RNF19A: variants seen among roughly 807,000 people sequenced by gnomAD.
The protein encoded by RNF19A is E3 ubiquitin-protein ligase RNF19A.
RNF19A carries 32 observed loss-of-function variants against 75.7 expected under a neutral mutation model. That is an observed-to-expected ratio of 0.42 (90% confidence interval 0.32 to 0.57). The LOEUF is 0.57. RNF19A is among the 20% of genes least tolerant of loss of function. The pLI, the probability that RNF19A is intolerant of heterozygous loss-of-function variation, is 0.10. For missense variants in RNF19A, 782 were observed against 1,036.3 expected (o/e 0.75, Z 3.37); for synonymous variants, 335 against 345.2 (o/e 0.97, Z 0.33).
intron 1 of RNF19A, among the ~76,000 whole-genome samples, chr8:100,320,439 C>G (rs1251822213): frequency 6.6e-6 from 1 of 152,100 alleles, no homozygotes; most frequent in Non-Finnish European, 1.5e-5. Flanking sequence ...GGTTATATGC[C>G]TAGAAGCAGA....
Position 100,321,831 on chromosome 8 carries a change from T to G in RNF19A, c.-242-8459A>C, listed in dbSNP as rs541475571. 3.9e-5 allele frequency among the ~76,000 whole-genome samples: 6 copies of G among 152,340 alleles called. No individual in the cohort carries two copies. In the East Asian group the frequency reaches 1.2e-3, roughly 29 times the overall value. ...AGTTCTTGGGTGACTAGGTGAATTGTCAGTGAGACATAATATTTTGAAAGA... is the reference window on the plus strand; with the variant it reads ...AGTTCTTGGGTGACTAGGTGAATTGGCAGTGAGACATAATATTTTGAAAGA... On this transcript the variant is annotated intron_variant, in intron 1 of 3. Transcript: ENST00000519527.
At chr8:100,267,575 G>T (rs1413532178) in intron 5 of RNF19A, among the ~76,000 whole-genome samples, 1 of 151,906 alleles carries the variant, frequency 6.6e-6, no homozygotes, top group African/African-American at 2.4e-5. Flanking sequence ...TCACTATGTT[G>T]TCCAGGCTGG....
intron 1 of RNF19A, among the ~76,000 whole-genome samples, chr8:100,303,600 A>T (rs1821935935): frequency 6.6e-6 from 1 of 152,054 alleles, no homozygotes; most frequent in South Asian, 2.1e-4. Flanking sequence ...ATTATGCAAA[A>T]ATCTAAAGGA....
At chr8:100,316,078 G>A (rs778296924) in intron 1 of RNF19A, among the ~76,000 whole-genome samples, 2 of 151,990 alleles carry the variant, frequency 1.3e-5, no homozygotes, top group African/African-American at 2.4e-5. Flanking sequence ...AGATGTGTTC[G>A]GAGTTTCTTC....
At chr8:100,300,823 AC>A in intron 1 of RNF19A, among the ~76,000 whole-genome samples, 1 of 152,326 alleles carries the variant, frequency 6.6e-6, no homozygotes, top group South Asian at 2.1e-4. Flanking sequence ...CCATCAAAAA[AC>A]AGAGTGAGTC....
rs1199219474 is a variant in RNF19A, at chr8:100,284,564, G to A, written c.674+2937C>T. Among the ~76,000 whole-genome samples, 6 of 151,926 alleles carry A rather than the reference G, an allele frequency of 3.9e-5. No individual in the cohort carries two copies. The East Asian group carries it at 5.8e-4, about 15-fold the overall frequency. ...TTTGTTAAATTTATATAATAATCAC[G>A]TGGTTGTTTTCATAGTAACAGAGTC... On this transcript the variant is annotated intron_variant, in intron 2 of 9. Transcript: ENST00000341084. This position sits in a 1 kb window ranked among gnomAD's most constrained non-coding sequence, Gnocchi z 4.3.
chr8:100,296,555 C>A (rs1368077963), intron 1 of RNF19A, among the ~76,000 whole-genome samples: 1 of 151,888 alleles, frequency 6.6e-6, no homozygotes, highest in Non-Finnish European at 1.5e-5. Flanking sequence ...TCAGAGAAAT[C>A]CATGAAATCT....
In RNF19A at chr8:100,279,836, TGTGTTTTTA is replaced by T. The variant is rs150620903; in HGVS notation, c.675-4684_675-4676del. Among the ~76,000 whole-genome samples the T allele has an allele frequency of 4.6e-3, 699 of 152,216 alleles. 3 individuals are homozygous for T. Among genetic ancestry groups the T allele is most frequent in the Admixed American group, 8.1e-3 (124 of 15,296 alleles). On this transcript the variant is annotated intron_variant, in intron 2 of 9. Transcript: ENST00000341084. ...GCCACCACACCCAGCCTCAATTTTT[TGTGTTTTTA>T]GTAGGGATGGGGTTTTGCCATGTTA...
chr8:100,258,252 AAATT>A lies in RNF19A; in HGVS notation c.*300_*303del. 2.4e-6 allele frequency: 1 copy of A among 424,286 alleles called. No individual in the cohort carries two copies. Among genetic ancestry groups the A allele is most frequent in the African/African-American group, 2.0e-5 (1 of 48,854 alleles). The allele number at this position is 424,286 out of a possible 1,614,324, so 26.3% of individuals were successfully genotyped here. On this transcript the variant is annotated 3_prime_UTR_variant, in exon 10 of 10. Transcript: ENST00000341084. This position sits in a 1 kb window ranked among gnomAD's most constrained non-coding sequence, Gnocchi z 4.3. ...CATTAGTATTTTATATTGATTATAT[AAATT>A]AAGACCAATTTCTATCTAAGTATGT...
rs990261793 is a variant in RNF19A, at chr8:100,324,577, A to G, written c.-242-11205T>C. On this transcript the variant is annotated intron_variant, in intron 1 of 3. Transcript: ENST00000519527. This position sits in a 1 kb window ranked among gnomAD's most constrained non-coding sequence, Gnocchi z 4.2. ...CAAACCCTACTCCCACTTTACCCCC[A>G]TCTAGTAATGAATCACTGTTTTCTT... Among the ~76,000 whole-genome samples, 2 of 152,068 alleles carry G rather than the reference A, an allele frequency of 1.3e-5. No individual in the cohort carries two copies. Among genetic ancestry groups the G allele is most frequent in the South Asian group, 2.1e-4 (1 of 4,822 alleles).
chr8:100,326,539 A>G (rs1548046), intron 1 of RNF19A, among the ~76,000 whole-genome samples: 5,012 of 152,206 alleles, frequency 0.033, 275 homozygotes, highest in African/African-American at 0.11. Context: ...CTAGTGAGGG[A>G]AACTGAGGTA....
intron 2 of RNF19A, among the ~76,000 whole-genome samples, chr8:100,286,088 G>A (rs897903492): frequency 6.6e-5 from 10 of 152,134 alleles, no homozygotes; most frequent in East Asian, 5.8e-4. Flanking sequence ...CTGTGAAAAC[G>A]TTATGCAGGG....
rs1164973732 is a variant in RNF19A at position 100,258,766 on chromosome 8, T to C, written c.2307A>G (p.Glu769=). ...ILPEVENDRL[E]NSPHQCSISV... The stretch of plus-strand genomic sequence containing the variant: ...AAATGCTACACTGATGTGGGGAATT[T>C]TCCAGACGGTCATTTTCTACCTCAG... The change falls in exon 10 of 10, where the codon GAA becomes GAG. Residue 769 remains glutamate, a synonymous_variant. Coordinates refer to ENST00000341084, the MANE Select transcript of RNF19A (RefSeq NM_183419.4). The surrounding 1 kb of genome is among the most constrained non-coding windows in gnomAD (Gnocchi z 4.3). The C allele has an allele frequency of 6.8e-6, 11 of 1,614,130 alleles. No homozygotes were observed. Among genetic ancestry groups the C allele is most frequent in the Non-Finnish European group, 9.3e-6 (11 of 1,180,058 alleles).
chr8:100,282,741 G>A (rs1382364373), intron 2 of RNF19A, among the ~76,000 whole-genome samples: 1 of 152,140 alleles, frequency 6.6e-6, no homozygotes, highest in Admixed American at 6.5e-5. Context: ...GATAGTCAAG[G>A]TATAGCTAAA....
chr8:100,285,431 T>C (rs1343584089), intron 2 of RNF19A, among the ~76,000 whole-genome samples: 2 of 152,188 alleles, frequency 1.3e-5, no homozygotes, highest in African/African-American at 4.8e-5. Context: ...ATACAAATTA[T>C]AATTTGCTTT....
At chr8:100,304,559 GATTTT>G (rs1821989003) in intron 1 of RNF19A, among the ~76,000 whole-genome samples, 1 of 152,058 alleles carries the variant, frequency 6.6e-6, no homozygotes, top group East Asian at 1.9e-4. Context: ...CTTATTTCAT[GATTTT>G]ATTTAAGGAT....
At position 100,331,775 on chromosome 8, in the gene RNF19A, A is replaced by T. The variant is rs1267850871; in HGVS notation, c.-243+4333T>A. 2.0e-5 allele frequency among the ~76,000 whole-genome samples: 3 copies of T among 152,214 alleles called. No homozygotes were observed. Among genetic ancestry groups the T allele is most frequent in the Non-Finnish European group, 2.9e-5 (2 of 68,040 alleles). On this transcript the variant is annotated intron_variant, in intron 1 of 3. Transcript: ENST00000519527. This position sits in a 1 kb window ranked among gnomAD's most constrained non-coding sequence, Gnocchi z 5.2. Reference sequence around the variant, plus strand: ...TGCAGACAACTATTATCCGTTTCATATGTATTGATCAAAAGCAAGTCTGTG... The same window carrying T: ...TGCAGACAACTATTATCCGTTTCATTTGTATTGATCAAAAGCAAGTCTGTG...
At chr8:100,328,067 A>G (rs922166000) in intron 1 of RNF19A, among the ~76,000 whole-genome samples, 2 of 152,142 alleles carry the variant, frequency 1.3e-5, no homozygotes, top group Non-Finnish European at 2.9e-5. Flanking sequence ...TCTTGAATGC[A>G]TGCATTATGG....
upstream of RNF19A, chr8:100,309,958 G>T: frequency 1.0e-6 from 1 of 985,886 alleles, no homozygotes; most frequent in Non-Finnish European, 1.2e-6. Context: ...AAGCGCGGGG[G>T]AGGGTCCCTC....
Sources: allele counts gnomAD v4.1 joint callset (sites outside exome capture counted in the v4.1 genomes callset), GRCh38; gene constraint gnomAD v4.1.1; non-coding constraint Gnocchi (gnomAD v3.1); transcripts MANE v1.5; gene names NCBI Gene and HGNC (gene_info 2026-07-23, HGNC 2026-07-21).